CPNE2: variants seen among roughly 807,000 people sequenced by gnomAD.
The protein encoded by CPNE2 is copine-2.
In CPNE2, 42 loss-of-function variants were observed where a neutral mutation model predicts 69.7. That is an observed-to-expected ratio of 0.60 (90% CI 0.47 to 0.78). The LOEUF (loss-of-function observed/expected upper bound fraction) is 0.78, where lower values mean the gene tolerates loss of function less well. Among genes scored for constraint, CPNE2 ranks in the 30% least tolerant of loss-of-function variants. CPNE2 has a pLI of 0.00. For missense variants in CPNE2, 587 were observed against 732.0 expected (o/e 0.80, Z 2.29); for synonymous variants, 294 against 289.8 (o/e 1.01, Z -0.15).
At chr16:57,125,201 G>A (rs1234845761) in intron 10 of CPNE2, 6 of 437,636 alleles carry the variant, frequency 1.4e-5, no homozygotes, top group Non-Finnish European at 2.8e-5. Context: ...GAGAGAGCAG[G>A]TAGAGCCCTA....
chr16:57,126,889 C>T (rs2069804834), intron 11 of CPNE2, among the ~76,000 whole-genome samples: 1 of 152,190 alleles, frequency 6.6e-6, no homozygotes, highest in African/African-American at 2.4e-5. Context: ...CCCCAGTGAG[C>T]TCTAGATGCC....
intron 13 of CPNE2, among the ~76,000 whole-genome samples, chr16:57,136,022 G>A (rs959891707): frequency 1.4e-5 from 2 of 147,784 alleles, no homozygotes; most frequent in South Asian, 2.2e-4. Flanking sequence ...AAGGGAGGGA[G>A]GAGGGGAGGG....
At chr16:57,143,371 G>GTACT (rs2069936095) in intron 14 of CPNE2, 1 of 152,312 alleles carries the variant, frequency 6.6e-6, no homozygotes, top group Non-Finnish European at 1.5e-5. Context: ...CAGGGCTCTG[G>GTACT]GCCCCACCCT....
chr16:57,119,696 C>A, intron 7 of CPNE2, 46 bp downstream of exon 7: 1 of 1,387,226 alleles, frequency 7.2e-7, no homozygotes, highest in Non-Finnish European at 1.0e-6. Context: ...CCAGCTCCAG[C>A]CTCCCAGTCT....
intron 12 of CPNE2, among the ~76,000 whole-genome samples, chr16:57,134,422 G>A (rs530201828): frequency 5.4e-4 from 82 of 152,334 alleles, no homozygotes; most frequent in South Asian, 1.9e-3. Context: ...AGCTGTAGCA[G>A]TGATGAGGGA....
chr16:57,125,745 G>C, intron 10 of CPNE2, 115 bp from the exon 11 acceptor site: 1 of 1,291,830 alleles, frequency 7.7e-7, no homozygotes, highest in Non-Finnish European at 1.1e-6. Flanking sequence ...ATTGTGGGGA[G>C]GGCTGGGAGA....
chr16:57,132,110 A>T (rs1193324333), intron 12 of CPNE2, among the ~76,000 whole-genome samples: 1 of 152,142 alleles, frequency 6.6e-6, no homozygotes, highest in Non-Finnish European at 1.5e-5. Flanking sequence ...CCCAGGCCTG[A>T]GCAAACAGAG....
In CPNE2 at chr16:57,130,673, C is replaced by G. The variant is rs940220397; in HGVS notation, c.1116+2770C>G. 2.6e-5 allele frequency among the ~76,000 whole-genome samples: 4 copies of G among 151,926 alleles called. No individual in the cohort carries two copies. The highest frequency in any genetic ancestry group is 4.4e-5 in the Non-Finnish European group (3 of 67,996). On this transcript the variant is annotated intron_variant, in intron 12 of 15. Coordinates refer to ENST00000290776, the MANE Select transcript of CPNE2 (RefSeq NM_152727.6). The surrounding 1 kb of genome is among the most constrained non-coding windows in gnomAD (Gnocchi z 4.1). ...AGGAGGGAGTGGGGTTGGAGGCTGC[C>G]CCTGGGCCTGGTGAGGTAAGGCTGA...
intron 12 of CPNE2, 134 bp downstream of exon 12, chr16:57,128,037 G>A (rs757403331): frequency 2.4e-5 from 20 of 848,304 alleles, no homozygotes; most frequent in African/African-American, 5.1e-5. Flanking sequence ...CCCAGGCCAC[G>A]CTCATTTCTC....
chr16:57,111,480 G>T (rs2069681922), intron 2 of CPNE2, among the ~76,000 whole-genome samples: 1 of 152,166 alleles, frequency 6.6e-6, no homozygotes, highest in East Asian at 1.9e-4. Flanking sequence ...GCCCCATCTT[G>T]TTATAAATTG....
chr16:57,126,546 G>A (rs1185688334), intron 11 of CPNE2, among the ~76,000 whole-genome samples: 1 of 152,226 alleles, frequency 6.6e-6, no homozygotes, highest in Non-Finnish European at 1.5e-5. Context: ...CTGTGTGAAA[G>A]TGTGGCAGGT....
intron 12 of CPNE2, among the ~76,000 whole-genome samples, chr16:57,129,429 G>C (rs1215564633): frequency 6.6e-6 from 1 of 152,178 alleles, no homozygotes; most frequent in Non-Finnish European, 1.5e-5. Flanking sequence ...TTTCCAACTG[G>C]GCACTGAGGC....
Position 57,126,463 on chromosome 16 carries a change from C to G in CPNE2, c.1061+470C>G, listed in dbSNP as rs551606889. On this transcript the variant is annotated intron_variant, in intron 11 of 15. Coordinates refer to ENST00000290776, the MANE Select transcript of CPNE2 (RefSeq NM_152727.6). ...TGAGGAGCAGCTAGCATGCACGGACCCTCCTCCCATGACCTTGCTTCCTGG... is the reference window on the plus strand; with the variant it reads ...TGAGGAGCAGCTAGCATGCACGGACGCTCCTCCCATGACCTTGCTTCCTGG... 6.6e-5 allele frequency among the ~76,000 whole-genome samples: 10 copies of G among 151,214 alleles called. No homozygotes were observed. In the South Asian group the frequency reaches 2.1e-3, roughly 31 times the overall value.
chr16:57,146,426 T>A lies in CPNE2; in HGVS notation c.1539+105T>A. The A allele has an allele frequency of 2.1e-6, 2 of 968,740 alleles. No homozygotes were observed. Among genetic ancestry groups the A allele is most frequent in the South Asian group, 1.6e-5 (1 of 60,754 alleles). 60.0% of individuals were successfully genotyped at this position (968,740 alleles called of 1,614,324 possible). A position where few individuals can be genotyped will look rare whatever the true frequency, so the allele number is the denominator to read the frequency against. ...GGGTTGTCTGGCCCAATCCTAGACT[T>A]CTCCACTCCATTGACTATGCTCTTC... On this transcript the variant is annotated intron_variant, in intron 15 of 15. Transcript: ENST00000290776. This position sits in a 1 kb window ranked among gnomAD's most constrained non-coding sequence, Gnocchi z 4.4.
At chr16:57,137,345 A>G in intron 14 of CPNE2, 63 bp downstream of exon 14, 1 of 1,587,492 alleles carries the variant, frequency 6.3e-7, no homozygotes, top group South Asian at 1.1e-5. Context: ...GCTGGGGGGC[A>G]GGATATTCTG....
At chr16:57,131,470 G>T (rs546450604) in intron 12 of CPNE2, among the ~76,000 whole-genome samples, 3 of 152,368 alleles carry the variant, frequency 2.0e-5, no homozygotes, top group East Asian at 1.9e-4. Context: ...ATGCCATTCG[G>T]GGGGCAGGGC....
intron 12 of CPNE2, among the ~76,000 whole-genome samples, chr16:57,128,525 T>G (rs1203576913): frequency 2.0e-5 from 3 of 152,176 alleles, no homozygotes; most frequent in Non-Finnish European, 4.4e-5. Context: ...CTGTGACCAG[T>G]GCAGATAAAC....
chr16:57,105,428 CG>C (rs2069642071), intron 1 of CPNE2, among the ~76,000 whole-genome samples: 1 of 148,764 alleles, frequency 6.7e-6, no homozygotes, highest in African/African-American at 2.5e-5. Flanking sequence ...CCTATGTGTC[CG>C]GTTTTTTTTT....
At chr16:57,093,093 G>T (rs1567662878) in intron 1 of CPNE2, among the ~76,000 whole-genome samples, 1 of 152,006 alleles carries the variant, frequency 6.6e-6, no homozygotes, top group Non-Finnish European at 1.5e-5. Flanking sequence ...CCTTCCACCC[G>T]CCCCGAGGGG....
Sources: allele counts gnomAD v4.1 joint callset (sites outside exome capture counted in the v4.1 genomes callset), GRCh38; gene constraint gnomAD v4.1.1; non-coding constraint Gnocchi (gnomAD v3.1); transcripts MANE v1.5; gene names NCBI Gene and HGNC (gene_info 2026-07-23, HGNC 2026-07-21).